Variants in NLGN1 observed in about 807,000 individuals in gnomAD.
NLGN1 encodes neuroligin-1.
Under a neutral mutation model 65.5 loss-of-function variants are expected in NLGN1, and 12 were observed. That is an observed-to-expected ratio of 0.18 (90% CI 0.12 to 0.30). NLGN1 has a LOEUF of 0.30. Among genes scored for constraint, NLGN1 ranks in the 10% least tolerant of loss-of-function variants. NLGN1 has a pLI of 1.00. For synonymous variants in NLGN1, 350 were observed against 359.5 expected, an observed-to-expected ratio of 0.97 and a Z score of 0.30; for missense variants, 750 against 1,007.1, an observed-to-expected ratio of 0.74 and a Z score of 3.46.
At chr3:173,681,042 T>A (rs1763878613) in intron 3 of NLGN1, among the ~76,000 whole-genome samples, 1 of 152,298 alleles carries the variant, frequency 6.6e-6, no homozygotes, top group Middle Eastern at 3.4e-3. Context: ...TAACAGTGAA[T>A]TTTAGCTACA....
chr3:173,682,979 A>C (rs747195104), intron 3 of NLGN1, among the ~76,000 whole-genome samples: 10 of 152,208 alleles, frequency 6.6e-5, no homozygotes, highest in Non-Finnish European at 1.3e-4. Flanking sequence ...TTTTTATTAA[A>C]TTGTCATGTA....
intron 2 of NLGN1, among the ~76,000 whole-genome samples, chr3:173,537,496 GTGTGTGTGTGTT>G (rs1214559171): frequency 3.3e-5 from 5 of 151,750 alleles, no homozygotes; most frequent in Admixed American, 1.3e-4. Flanking sequence ...GTGTGTGTGT[GTGTGTGTGTGTT>G]TGTGTGTGTG....
chr3:173,615,565 G>A (rs1752927250), intron 3 of NLGN1, among the ~76,000 whole-genome samples: 1 of 152,124 alleles, frequency 6.6e-6, no homozygotes, highest in Non-Finnish European at 1.5e-5. Context: ...ATTTGGCACT[G>A]TGTTCCCCAT....
rs565339178 is a variant in NLGN1 at position 174,102,187 on chromosome 3, G to A, written c.647-173128G>A. ...TACTGCTGAATGTGATTTCTCTTAG[G>A]TTGATATGTAGTATAAAAAATCATA... On this transcript the variant is annotated intron_variant, in intron 4 of 6. Transcript: ENST00000457714. Among the ~76,000 whole-genome samples the A allele has an allele frequency of 4.2e-3, 640 of 152,132 alleles. 4 individuals carry two copies. Among genetic ancestry groups the A allele is most frequent in the African/African-American group, 0.015 (618 of 41,518 alleles).
rs545487979 is a variant in NLGN1 at position 173,979,242 on chromosome 3, AATAG to A, written c.646+171416_646+171419del. Among the ~76,000 whole-genome samples, 214 of 152,204 alleles carry A rather than the reference AATAG, an allele frequency of 1.4e-3. 1 individual carries two copies. Among genetic ancestry groups the A allele is most frequent in the African/African-American group, 4.9e-3 (202 of 41,542 alleles). On this transcript the variant is annotated intron_variant, in intron 4 of 6. Coordinates refer to ENST00000457714, the Ensembl canonical transcript of NLGN1. ...CCCACAAGAACAGATTGTAAAGAGA[AATAG>A]ATAGAGCAATAGCTAAAGGAAAAAG...
chr3:173,469,161 A>C (rs1724888594), intron 2 of NLGN1, among the ~76,000 whole-genome samples: 1 of 152,138 alleles, frequency 6.6e-6, no homozygotes, highest in African/African-American at 2.4e-5. Flanking sequence ...CTTAATTTTT[A>C]AATTTTTTCC....
chr3:174,181,976 C>CAAAAAAAA (rs551914698), intron 4 of NLGN1, among the ~76,000 whole-genome samples: 6 of 44,388 alleles, frequency 1.4e-4, no homozygotes, highest in East Asian at 8.4e-4. Flanking sequence ...GACTTGGTGT[C>CAAAAAAAA]AAAAAAAAAA....
At chr3:174,156,254 A>G (rs1371108486) in intron 4 of NLGN1, among the ~76,000 whole-genome samples, 1 of 151,924 alleles carries the variant, frequency 6.6e-6, no homozygotes, top group African/African-American at 2.4e-5. Flanking sequence ...ACTTAATACT[A>G]TAGTAAATGT....
At chr3:173,938,968 A>C (rs925574241) in intron 4 of NLGN1, among the ~76,000 whole-genome samples, 2 of 152,180 alleles carry the variant, frequency 1.3e-5, no homozygotes, top group African/African-American at 4.8e-5. Context: ...TTCCAAACCG[A>C]GCTTGTCAAC....
chr3:174,070,578 C>T (rs1469612522), intron 4 of NLGN1, among the ~76,000 whole-genome samples: 5 of 152,118 alleles, frequency 3.3e-5, no homozygotes, highest in Non-Finnish European at 7.3e-5. Context: ...GATCTGCCCA[C>T]CTCAGCAATC....
At chr3:173,812,618 C>A (rs1241220065) in intron 4 of NLGN1, among the ~76,000 whole-genome samples, 1 of 151,612 alleles carries the variant, frequency 6.6e-6, no homozygotes, top group Non-Finnish European at 1.5e-5. Context: ...GTATTCCGGG[C>A]TACCCAGGAG....
chr3:174,204,942 A>C (rs111930314), intron 4 of NLGN1, among the ~76,000 whole-genome samples: 1 of 152,196 alleles, frequency 6.6e-6, no homozygotes, highest in African/African-American at 2.4e-5. Context: ...AGAAGGATTT[A>C]AATGTAATAG....
intron 2 of NLGN1, among the ~76,000 whole-genome samples, chr3:173,603,211 C>T (rs1577483477): frequency 1.3e-5 from 2 of 152,122 alleles, no homozygotes; most frequent in African/African-American, 4.8e-5. Context: ...GTAAGCACTT[C>T]AAAAGGTTGC....
intron 3 of NLGN1, among the ~76,000 whole-genome samples, chr3:173,653,036 G>A (rs771361565): frequency 2.0e-4 from 30 of 151,508 alleles, no homozygotes; most frequent in Admixed American, 7.9e-4. Flanking sequence ...TTTTGTTCTC[G>A]GTTTCATTGT....
intron 2 of NLGN1, among the ~76,000 whole-genome samples, chr3:173,594,939 G>T (rs1168258231): frequency 6.6e-6 from 1 of 152,180 alleles, no homozygotes; most frequent in Non-Finnish European, 1.5e-5. Flanking sequence ...AGAGAACCAA[G>T]TCTGTAGATT....
intron 4 of NLGN1, among the ~76,000 whole-genome samples, chr3:174,088,504 C>T (rs1450153349): frequency 6.6e-6 from 1 of 152,072 alleles, no homozygotes; most frequent in Non-Finnish European, 1.5e-5. Flanking sequence ...CGCCTGTAAT[C>T]CCAGCACTTT....
chr3:173,958,333 G>A (rs940019088), intron 4 of NLGN1, among the ~76,000 whole-genome samples: 1 of 152,208 alleles, frequency 6.6e-6, no homozygotes, highest in Non-Finnish European at 1.5e-5. Context: ...CTGCGTGACA[G>A]AATAGCTCAG....
chr3:174,045,045 C>A (rs1733251740), intron 4 of NLGN1, among the ~76,000 whole-genome samples: 1 of 152,120 alleles, frequency 6.6e-6, no homozygotes, highest in African/African-American at 2.4e-5. Flanking sequence ...TTTATAGCAG[C>A]ATGAGAATGG....
intron 3 of NLGN1, among the ~76,000 whole-genome samples, chr3:173,775,291 G>GT (rs1458966920): frequency 6.6e-6 from 1 of 152,086 alleles, no homozygotes; most frequent in Non-Finnish European, 1.5e-5. Flanking sequence ...ATGACTTTAT[G>GT]TTTTTTCATT....
Sources: gnomAD v4.1 joint callset for allele counts (sites outside exome capture counted in the v4.1 genomes callset) on GRCh38, gnomAD v4.1.1 for gene constraint, MANE v1.5 for transcripts, NCBI Gene and HGNC (gene_info 2026-07-23, HGNC 2026-07-21) for gene names.